VSNL1: variants seen among roughly 807,000 people sequenced by gnomAD.
VSNL1 encodes visinin-like protein 1.
VSNL1 carries 6 observed loss-of-function variants against 20.4 expected under a neutral mutation model. That is an observed-to-expected ratio of 0.29 (90% CI 0.16 to 0.58). VSNL1 has a LOEUF of 0.58. Among genes scored for constraint, VSNL1 ranks in the 20% least tolerant of loss-of-function variants. The pLI is 0.90. For missense variants in VSNL1, 100 were observed against 234.5 expected (o/e 0.43, Z 3.75); for synonymous variants, 93 against 86.4 (o/e 1.08, Z -0.42).
intron 2 of VSNL1, among the ~76,000 whole-genome samples, chr2:17,613,420 A>T (rs1442947668): frequency 6.6e-6 from 1 of 152,204 alleles, no homozygotes; most frequent in Non-Finnish European, 1.5e-5. Context: ...TCATGGCCAA[A>T]TTCAAATTAT....
Position 17,649,354 on chromosome 2 carries a change from C to T in VSNL1, c.163-56C>T, listed in dbSNP as rs1261685304. The T allele has an allele frequency of 9.0e-6, 14 of 1,551,952 alleles. No individual in the cohort carries two copies. The highest frequency in any genetic ancestry group is 1.4e-5 in the African/African-American group (1 of 73,608). On this transcript the variant is annotated intron_variant, in intron 2 of 3. Transcript: ENST00000295156. The surrounding 1 kb of genome is among the most constrained non-coding windows in gnomAD (Gnocchi z 6.4). ...TGATGCCGTCATTAGGAACCTACCT[C>T]GTCGCCCCGATTCCATCCCCTCCCG...
At chr2:17,592,305 T>C (rs1664608996) in intron 2 of VSNL1, 69 bp downstream of exon 2, 16 of 1,508,802 alleles carry the variant, frequency 1.1e-5, no homozygotes, top group Non-Finnish European at 1.5e-5. Flanking sequence ...AATTGTACCC[T>C]CACATGGAAT....
At chr2:17,550,447 C>A (rs1251752577) in intron 1 of VSNL1, among the ~76,000 whole-genome samples, 1 of 152,132 alleles carries the variant, frequency 6.6e-6, no homozygotes, top group Non-Finnish European at 1.5e-5. Context: ...GAGCCCACAG[C>A]CATTTCTCAG....
chr2:17,651,794 T>A (rs1339862283), intron 3 of VSNL1, among the ~76,000 whole-genome samples: 3 of 152,236 alleles, frequency 2.0e-5, no homozygotes, highest in Non-Finnish European at 2.9e-5. Context: ...TCTCACCTGA[T>A]TATGGGTCAC....
chr2:17,578,167 A>G (rs1664261238), intron 1 of VSNL1, among the ~76,000 whole-genome samples: 1 of 152,228 alleles, frequency 6.6e-6, no homozygotes, highest in Admixed American at 6.5e-5. Context: ...CAGGATAAGA[A>G]AAACTCAGTA....
chr2:17,637,721 G>A (rs1665787772), intron 2 of VSNL1, among the ~76,000 whole-genome samples: 1 of 152,228 alleles, frequency 6.6e-6, no homozygotes, highest in Non-Finnish European at 1.5e-5. Context: ...AGCAGAATTT[G>A]CATTTTCATG....
chr2:17,555,403 G>A (rs1171515847), intron 1 of VSNL1, among the ~76,000 whole-genome samples: 1 of 152,160 alleles, frequency 6.6e-6, no homozygotes, highest in Non-Finnish European at 1.5e-5. Flanking sequence ...AGATCCTGGA[G>A]CACTGATTAA....
intron 1 of VSNL1, among the ~76,000 whole-genome samples, chr2:17,562,255 G>T (rs1231147189): frequency 6.6e-6 from 1 of 152,160 alleles, no homozygotes; most frequent in African/African-American, 2.4e-5. Context: ...GAATTGACAT[G>T]AATTTGAAAA....
At chr2:17,567,944 A>G (rs1445548008) in intron 1 of VSNL1, among the ~76,000 whole-genome samples, 3 of 152,132 alleles carry the variant, frequency 2.0e-5, no homozygotes, top group Non-Finnish European at 4.4e-5. Context: ...GCTGGATTCT[A>G]TTTGATAATT....
At chr2:17,543,770 G>A (rs1229231609) in intron 1 of VSNL1, among the ~76,000 whole-genome samples, 2 of 152,174 alleles carry the variant, frequency 1.3e-5, no homozygotes, top group Non-Finnish European at 2.9e-5. Flanking sequence ...CATCTTGCTG[G>A]ATGAGGGCTG....
chr2:17,556,697 G>A (rs62131465), intron 1 of VSNL1, among the ~76,000 whole-genome samples: 4,466 of 152,264 alleles, frequency 0.029, 64 homozygotes, highest in Middle Eastern at 0.054. Context: ...ACATTTAAAT[G>A]AAGCTCTTAG....
At chr2:17,591,574 C>T (rs144314972) in intron 1 of VSNL1, among the ~76,000 whole-genome samples, 1 of 151,954 alleles carries the variant, frequency 6.6e-6, no homozygotes, top group African/African-American at 2.4e-5. Flanking sequence ...TGAACCAGAC[C>T]AACTGAGACT....
intron 2 of VSNL1, among the ~76,000 whole-genome samples, chr2:17,642,001 T>A (rs1325855126): frequency 6.6e-6 from 1 of 152,196 alleles, no homozygotes; most frequent in Non-Finnish European, 1.5e-5. Context: ...AAAAACTAAA[T>A]AAAATATTAT....
At chr2:17,572,383 GGT>G in intron 1 of VSNL1, among the ~76,000 whole-genome samples, 1 of 152,156 alleles carries the variant, frequency 6.6e-6, no homozygotes, top group African/African-American at 2.4e-5. Flanking sequence ...AATAAGACCC[GGT>G]TTTCCACAGA....
chr2:17,597,676 C>T (rs115352476), intron 2 of VSNL1, among the ~76,000 whole-genome samples: 1,760 of 152,336 alleles, frequency 0.012, 37 homozygotes, highest in African/African-American at 0.04. Context: ...GTATTTTGCT[C>T]ATTAGAAAAC....
chr2:17,647,152 A>T (rs1333682641), intron 2 of VSNL1, among the ~76,000 whole-genome samples: 1 of 152,224 alleles, frequency 6.6e-6, no homozygotes, highest in East Asian at 1.9e-4. Context: ...TTAGACCTAA[A>T]TTAATTTTTA....
Position 17,592,120 on chromosome 2 carries a change from C to G in VSNL1, c.46C>G (p.Leu16Val). Residue 16 changes from leucine to valine, a missense_variant, in exon 2 of 4, where the codon CTG (leucine) becomes GTG (valine). Leu to Val is a conservative substitution (Grantham distance 32). Transcript: ENST00000295156. ...ACTGGCCCCTGAAGTGATGGAGGAC[C>G]TGGTGAAGAGCACAGAGTTTAATGA... ...SKLAPEVMED[L>V]VKSTEFNEHE... is the part of the protein sequence containing the mutation. 1 of 1,613,842 alleles carries G rather than the reference C, an allele frequency of 6.2e-7. No individual in the cohort carries two copies. The highest frequency in any genetic ancestry group is 8.5e-7 in the Non-Finnish European group (1 of 1,179,834).
intron 1 of VSNL1, among the ~76,000 whole-genome samples, chr2:17,569,275 C>A (rs529104037): frequency 2.8e-4 from 43 of 151,134 alleles, no homozygotes; most frequent in Middle Eastern, 3.4e-3. Flanking sequence ...CAACTGTACT[C>A]CAGCCTGGGC....
intron 2 of VSNL1, among the ~76,000 whole-genome samples, chr2:17,615,008 T>TGGGCCAGTTTC (rs1293639528): frequency 1.3e-5 from 2 of 152,254 alleles, no homozygotes; most frequent in African/African-American, 4.8e-5. Flanking sequence ...AATACAGTTT[T>TGGGCCAGTTTC]GGGCCAGTTT....
Sources: gnomAD v4.1 joint callset for allele counts (sites outside exome capture counted in the v4.1 genomes callset) on GRCh38, gnomAD v4.1.1 for gene constraint, Gnocchi (gnomAD v3.1) non-coding constraint, MANE v1.5 for transcripts, NCBI Gene and HGNC (gene_info 2026-07-23, HGNC 2026-07-21) for gene names.